The following YAF2 variants were observed in gnomAD, a reference collection of about 807,000 sequenced individuals.
YAF2 encodes the protein YY1 associated factor 2.
Under a neutral mutation model 20.1 loss-of-function variants are expected in YAF2, and 7 were observed. That is an observed-to-expected ratio of 0.35 (90% CI 0.20 to 0.65). YAF2 has a LOEUF of 0.65. YAF2 is among the 30% of genes least tolerant of loss of function. The probability of loss-of-function intolerance (pLI) is 0.69; values close to 1 mark genes in which losing one functional copy is unlikely to be tolerated. For missense variants in YAF2, 151 were observed against 219.2 expected (o/e 0.69, Z 1.96); for synonymous variants, 74 against 76.0 (o/e 0.97, Z 0.14).
chr12:42,223,117 C>T (rs1324962457), intron 2 of YAF2, among the ~76,000 whole-genome samples: 8 of 151,982 alleles, frequency 5.3e-5, no homozygotes, highest in African/African-American at 1.9e-4. Context: ...GAAATCCAGT[C>T]ACAGAATTAA....
chr12:42,173,371 T>C (rs1019486146), intron 2 of YAF2, among the ~76,000 whole-genome samples: 2 of 152,240 alleles, frequency 1.3e-5, no homozygotes, highest in African/African-American at 2.4e-5. Flanking sequence ...AATACTAAGA[T>C]AGTCCTTGGT....
intron 2 of YAF2, among the ~76,000 whole-genome samples, chr12:42,174,174 G>C (rs1216424015): frequency 2.7e-5 from 4 of 149,316 alleles, no homozygotes; most frequent in African/African-American, 9.9e-5. Flanking sequence ...TCTTTTCCAT[G>C]ACACCTCAAA....
At chr12:42,229,720 G>A (rs1012176601) in intron 2 of YAF2, among the ~76,000 whole-genome samples, 1 of 152,238 alleles carries the variant, frequency 6.6e-6, no homozygotes, top group Non-Finnish European at 1.5e-5. Flanking sequence ...ATATGGTAGA[G>A]CCTATTGCTC....
chr12:42,212,976 T>A (rs1361048020), intron 2 of YAF2, among the ~76,000 whole-genome samples: 1 of 152,252 alleles, frequency 6.6e-6, no homozygotes, highest in Non-Finnish European at 1.5e-5. Flanking sequence ...AGGTCTTATA[T>A]GTTTATAGTG....
chr12:42,228,726 C>T (rs1282671186), intron 2 of YAF2, among the ~76,000 whole-genome samples: 12 of 79,708 alleles, frequency 1.5e-4, no homozygotes, highest in African/African-American at 6.1e-4. Context: ...TCTGCCCGGC[C>T]GCCCCTACTG....
chr12:42,164,689 G>T, intron 2 of YAF2, among the ~76,000 whole-genome samples: 1 of 151,638 alleles, frequency 6.6e-6, no homozygotes, highest in Admixed American at 6.6e-5. Flanking sequence ...AAAAAAGGCT[G>T]GACTAAATCC....
Position 42,238,138 on chromosome 12 carries a change from G to A in YAF2, c.26+17C>T. On this transcript the variant is annotated intron_variant, in intron 1 of 3. Coordinates refer to ENST00000534854, the MANE Select transcript of YAF2 (RefSeq NM_005748.6). The stretch of plus-strand genomic sequence containing the variant: ...GCCGCCCGCACAGTCCGGGCCCCGG[G>A]GCCCGGGCGCTGTTACCTGGTGGGG... 6.5e-7 allele frequency: 1 copy of A among 1,537,216 alleles called. No homozygotes were observed. The highest frequency in any genetic ancestry group is 2.0e-5 in the Admixed American group (1 of 51,170).
chr12:42,186,197 A>G (rs2137073178), intron 2 of YAF2, among the ~76,000 whole-genome samples: 1 of 149,684 alleles, frequency 6.7e-6, no homozygotes, highest in African/African-American at 2.5e-5. Context: ...CTCAAAAAAA[A>G]AAAAAAAAAA....
At chr12:42,197,767 TA>T (rs1248891504) in intron 2 of YAF2, among the ~76,000 whole-genome samples, 1 of 152,142 alleles carries the variant, frequency 6.6e-6, no homozygotes, top group Non-Finnish European at 1.5e-5. Context: ...CTTACAAGAG[TA>T]AAGTCTGAGA....
At chr12:42,227,149 G>A (rs982497964) in intron 2 of YAF2, among the ~76,000 whole-genome samples, 3,271 of 145,826 alleles carry the variant, frequency 0.022, 134 homozygotes, top group African/African-American at 0.079. Flanking sequence ...AGCGCCGCCC[G>A]GGAGGCAGCG....
chr12:42,194,839 T>C (rs1251349872), intron 2 of YAF2, among the ~76,000 whole-genome samples: 2 of 152,166 alleles, frequency 1.3e-5, no homozygotes, highest in Non-Finnish European at 2.9e-5. Context: ...AAGTTCAATT[T>C]TGCATAAGTT....
At chr12:42,236,900 A>G (rs2068178996) in intron 2 of YAF2, among the ~76,000 whole-genome samples, 1 of 152,210 alleles carries the variant, frequency 6.6e-6, no homozygotes, top group South Asian at 2.1e-4. Flanking sequence ...GTCATTTTTT[A>G]AAAGACAGAG....
intron 2 of YAF2, among the ~76,000 whole-genome samples, chr12:42,167,914 C>G (rs962479823): frequency 6.6e-6 from 1 of 152,104 alleles, no homozygotes; most frequent in East Asian, 1.9e-4. Flanking sequence ...GTCAAGTCAT[C>G]GTCTGGCTTT....
intron 2 of YAF2, among the ~76,000 whole-genome samples, chr12:42,226,840 C>T (rs941968807): frequency 1.3e-4 from 19 of 151,516 alleles, no homozygotes; most frequent in African/African-American, 4.6e-4. Context: ...AAATAGACAT[C>T]TTGAGAGGAG....
chr12:42,173,727 A>G (rs2066109422), intron 2 of YAF2, among the ~76,000 whole-genome samples: 1 of 152,150 alleles, frequency 6.6e-6, no homozygotes, highest in African/African-American at 2.4e-5. Flanking sequence ...TATTTAACAA[A>G]TATTTATTAA....
intron 2 of YAF2, among the ~76,000 whole-genome samples, chr12:42,172,389 C>G (rs2066072049): frequency 6.6e-6 from 1 of 152,178 alleles, no homozygotes; most frequent in African/African-American, 2.4e-5. Flanking sequence ...ACAGCATGTA[C>G]CATCAGCAGA....
At chr12:42,189,880 TCAG>T (rs972474020) in intron 2 of YAF2, among the ~76,000 whole-genome samples, 1 of 152,172 alleles carries the variant, frequency 6.6e-6, no homozygotes, top group African/African-American at 2.4e-5. Context: ...ATAAAAATGA[TCAG>T]CACAAGAAAA....
At chr12:42,228,203 G>A (rs1565658160) in intron 2 of YAF2, among the ~76,000 whole-genome samples, 1 of 104,916 alleles carries the variant, frequency 9.5e-6, no homozygotes, top group Non-Finnish European at 2.0e-5. Context: ...AGGTGGGGGG[G>A]TCGGCCCCCC....
rs148947484 is a variant in YAF2, at chr12:42,203,968, T to C, written c.152+33631A>G. On this transcript the variant is annotated intron_variant, in intron 2 of 3. Coordinates refer to ENST00000534854, the MANE Select transcript of YAF2 (RefSeq NM_005748.6). ...TACTTGAGATGCTGAGGAGGGAAATTGCTTGAGGCCAGTTTGAAGCTGCAG... is the reference window on the plus strand; with the variant it reads ...TACTTGAGATGCTGAGGAGGGAAATCGCTTGAGGCCAGTTTGAAGCTGCAG... 7.4e-4 allele frequency among the ~76,000 whole-genome samples: 113 copies of C among 152,286 alleles called. 2 individuals are homozygous for C. Among genetic ancestry groups the C allele is most frequent in the African/African-American group, 2.4e-3 (101 of 41,568 alleles).
Sources: gnomAD v4.1 joint callset for allele counts (sites outside exome capture counted in the v4.1 genomes callset) on GRCh38, gnomAD v4.1.1 for gene constraint, MANE v1.5 for transcripts, NCBI Gene and HGNC (gene_info 2026-07-23, HGNC 2026-07-21) for gene names.